AK7: variants seen among roughly 807,000 people sequenced by gnomAD.
AK7 encodes adenylate kinase 7, also known as ATP-AMP transphosphorylase 7.
A neutral mutation model predicts 96.6 loss-of-function variants in AK7; 78 were observed. That is an observed-to-expected ratio of 0.81 (90% CI 0.67 to 0.97). The LOEUF is 0.97. Ranked by LOEUF, AK7 falls within the 50% of genes least tolerant of loss-of-function variation. The pLI is 0.00. For missense variants in AK7, 855 were observed against 887.9 expected (o/e 0.96, Z 0.47); for synonymous variants, 302 against 317.2 (o/e 0.95, Z 0.51).
chr14:96,446,643 C>G (rs772980346), intron 8 of AK7, 36 bp downstream of exon 8: 1 of 1,594,028 alleles, frequency 6.3e-7, no homozygotes, highest in Non-Finnish European at 8.6e-7. Flanking sequence ...GATGACATAT[C>G]GTAAATAGTT....
intron 5 of AK7, among the ~76,000 whole-genome samples, chr14:96,430,256 G>C (rs2140065153): frequency 6.7e-6 from 1 of 148,402 alleles, no homozygotes; most frequent in Non-Finnish European, 1.5e-5. Flanking sequence ...TGCTATCTCG[G>C]CTCACTGCAA....
chr14:96,419,209 G>A (rs1353498349), intron 4 of AK7, among the ~76,000 whole-genome samples: 1 of 152,006 alleles, frequency 6.6e-6, no homozygotes, highest in African/African-American at 2.4e-5. Flanking sequence ...CTTAACCAGT[G>A]AAACCAATTT....
intron 1 of AK7, among the ~76,000 whole-genome samples, chr14:96,393,125 G>C (rs899528333): frequency 1.3e-5 from 2 of 152,082 alleles, no homozygotes; most frequent in Non-Finnish European, 2.9e-5. Flanking sequence ...GGAAAATGAA[G>C]ATATTCAGAA....
chr14:96,448,996 G>A (rs1006747578), intron 8 of AK7, among the ~76,000 whole-genome samples: 1 of 151,788 alleles, frequency 6.6e-6, no homozygotes, highest in Non-Finnish European at 1.5e-5. Context: ...AAAAAAAAAG[G>A]CAGATTCAGT....
chr14:96,456,414 A>G lies in AK7; in HGVS notation c.1166A>G (p.Asn389Ser), dbSNP rs1373861947. The change falls in exon 11 of 18, where the codon AAC becomes AGC. Residue 389 changes from asparagine (N) to serine (S), a missense_variant. By Grantham distance (46) the Asn-to-Ser change is conservative (BLOSUM62 1). Transcript: ENST00000267584. ...GKSSIAKELA[N>S]YYKLHHIQLK... Reference sequence around the variant, plus strand: ...TCCAGTATTGCTAAAGAATTGGCCAACTACTACAAACTGCATCACATCCAA... The same window carrying G: ...TCCAGTATTGCTAAAGAATTGGCCAGCTACTACAAACTGCATCACATCCAA... 4 of 1,614,014 alleles carry G rather than the reference A, an allele frequency of 2.5e-6. No individual in the cohort carries two copies. The highest frequency in any genetic ancestry group is 1.7e-6 in the Non-Finnish European group (2 of 1,179,902).
intron 7 of AK7, among the ~76,000 whole-genome samples, chr14:96,444,086 AAT>A (rs1893103680): frequency 1.3e-5 from 2 of 151,950 alleles, no homozygotes; most frequent in Admixed American, 1.3e-4. Flanking sequence ...AAAAACTCAT[AAT>A]GTTTTAAGAA....
chr14:96,431,345 T>C (rs924483359), intron 5 of AK7, among the ~76,000 whole-genome samples: 2 of 152,168 alleles, frequency 1.3e-5, no homozygotes, highest in Non-Finnish European at 2.9e-5. Context: ...CTTTCAATTG[T>C]GATGTTAGGG....
chr14:96,415,778 T>TTTAATACATTAATTAATTAAATA (rs1891306236), intron 4 of AK7, among the ~76,000 whole-genome samples: 1 of 149,178 alleles, frequency 6.7e-6, no homozygotes, highest in Non-Finnish European at 1.5e-5. Flanking sequence ...TTAATTAAAT[T>TTTAATACATTAATTAATTAAATA]AATTTAATAC....
chr14:96,394,251 G>C (rs1889927190), intron 1 of AK7, among the ~76,000 whole-genome samples: 1 of 152,158 alleles, frequency 6.6e-6, no homozygotes. Flanking sequence ...ACAGTGCTAG[G>C]GGGCAGTGCA....
intron 4 of AK7, among the ~76,000 whole-genome samples, chr14:96,420,366 G>A (rs1235616009): frequency 4.6e-5 from 7 of 151,500 alleles, no homozygotes; most frequent in African/African-American, 1.5e-4. Flanking sequence ...GTGGTGGCAC[G>A]CACCTGTAAT....
At chr14:96,408,311 G>T (rs1052825618) in intron 3 of AK7, among the ~76,000 whole-genome samples, 2 of 152,220 alleles carry the variant, frequency 1.3e-5, no homozygotes, top group Non-Finnish European at 2.9e-5. Context: ...CATGGGCCTG[G>T]CACCCAGACA....
chr14:96,479,385 CTTTT>C (rs59937453), intron 15 of AK7, among the ~76,000 whole-genome samples: 1 of 140,784 alleles, frequency 7.1e-6, no homozygotes, highest in Admixed American at 7.2e-5. Context: ...CCGACAAACT[CTTTT>C]TTTTTTTTTT....
intron 6 of AK7, among the ~76,000 whole-genome samples, chr14:96,441,642 C>A (rs1417652261): frequency 7.0e-3 from 636 of 91,232 alleles, no homozygotes; most frequent in Admixed American, 8.6e-3. Context: ...GACTCCGTCT[C>A]AAAAAAAAAA....
chr14:96,422,489 AT>A (rs1315711038), intron 5 of AK7, among the ~76,000 whole-genome samples: 1 of 152,236 alleles, frequency 6.6e-6, no homozygotes, highest in East Asian at 1.9e-4. Context: ...GTCCTATCTT[AT>A]CCATATGGAC....
chr14:96,392,293 A>T, intron 1 of AK7, 34 bp downstream of exon 1: 2 of 1,559,752 alleles, frequency 1.3e-6, no homozygotes, highest in Non-Finnish European at 1.8e-6. Flanking sequence ...GCCTCACGCC[A>T]GCTCTCAGCT....
chr14:96,449,665 T>A, intron 8 of AK7, 137 bp from the exon 9 acceptor site: 1 of 600,154 alleles, frequency 1.7e-6, no homozygotes, highest in Non-Finnish European at 3.0e-6. Flanking sequence ...AACTCCTGAT[T>A]ACGGGTGATC....
Position 96,467,331 on chromosome 14 carries a change from C to CTT in AK7, c.1358-4135_1358-4134dup, listed in dbSNP as rs35485071. 1.9e-3 allele frequency among the ~76,000 whole-genome samples: 272 copies of CTT among 144,818 alleles called. 3 individuals carry two copies. Among genetic ancestry groups the CTT allele is most frequent in the Admixed American group, 4.0e-3 (58 of 14,522 alleles). Reference sequence around the variant, plus strand: ...TTCCAAGAGCCATCTTTTGCTGCTGCTTTTTTTTTTTTTGGCAACAGATTC... The same window carrying CTT: ...TTCCAAGAGCCATCTTTTGCTGCTGCTTTTTTTTTTTTTTTGGCAACAGATTC... On this transcript the variant is annotated intron_variant, in intron 12 of 17. Transcript: ENST00000267584.
At chr14:96,462,922 G>A (rs1276971040) in intron 12 of AK7, among the ~76,000 whole-genome samples, 2 of 152,222 alleles carry the variant, frequency 1.3e-5, no homozygotes, top group African/African-American at 4.8e-5. Flanking sequence ...CGGATCACGA[G>A]GTCAGAAGTT....
chr14:96,432,867 G>A (rs371844426), intron 5 of AK7, among the ~76,000 whole-genome samples: 6 of 151,498 alleles, frequency 4.0e-5, no homozygotes, highest in South Asian at 4.2e-4. Flanking sequence ...GTTGGCAGGC[G>A]CCTGTAGTCC....
Sources: gnomAD v4.1 joint callset for allele counts (sites outside exome capture counted in the v4.1 genomes callset) on GRCh38, gnomAD v4.1.1 for gene constraint, MANE v1.5 for transcripts, NCBI Gene and HGNC (gene_info 2026-07-23, HGNC 2026-07-21) for gene names.